The following AP5S1 variants were observed in gnomAD, a reference collection of about 807,000 sequenced individuals.
The protein encoded by AP5S1 is AP-5 complex subunit sigma-1.
A neutral mutation model predicts 13.9 loss-of-function variants in AP5S1; 13 were observed. The ratio of observed to expected loss-of-function variants is 0.94; its 90% CI spans 0.61 to 1.49. AP5S1 has a LOEUF of 1.49. Ranked by LOEUF, AP5S1 falls within the 40% of genes most tolerant of loss-of-function variation. AP5S1 has a pLI of 0.00. For synonymous variants in AP5S1, 132 were observed against 121.8 expected (o/e 1.08, Z -0.55); for missense variants, 292 against 272.3 (o/e 1.07, Z -0.51).
At chr20:3,822,485 C>G (rs907495844) in intron 2 of AP5S1, among the ~76,000 whole-genome samples, 192 bp downstream of exon 2, 3 of 152,120 alleles carry the variant, frequency 2.0e-5, no homozygotes, top group African/African-American at 7.2e-5. Flanking sequence ...AATAATAATT[C>G]TGTTATCATT....
chr20:3,824,515 T>C lies in AP5S1; in HGVS notation c.*218T>C. On this transcript the variant is annotated 3_prime_UTR_variant, in exon 3 of 3. Coordinates refer to ENST00000615891, the MANE Select transcript of AP5S1 (RefSeq NM_018347.3). Reference sequence around the variant, plus strand: ...CAGAACTTCCTGAGCCTAGAGCTGCTGTGTTACTTAGACCGCTGCCGTGCG... The same window carrying C: ...CAGAACTTCCTGAGCCTAGAGCTGCCGTGTTACTTAGACCGCTGCCGTGCG... 1 of 595,616 alleles carries C rather than the reference T, an allele frequency of 1.7e-6. No individual in the cohort carries two copies. The highest frequency in any genetic ancestry group is 2.9e-6 in the Non-Finnish European group (1 of 339,224). 36.9% of individuals were successfully genotyped at this position (595,616 alleles called of 1,614,324 possible). A position where few individuals can be genotyped will look rare whatever the true frequency, so the allele number is the denominator to read the frequency against.
chr20:3,822,379 TAGG>T (rs796534474), intron 2 of AP5S1, 86 bp downstream of exon 2: 17 of 1,334,500 alleles, frequency 1.3e-5, no homozygotes, highest in Middle Eastern at 1.9e-4. Context: ...CGCAGAGAAA[TAGG>T]AGGACTAAGA....
intron 1 of AP5S1, among the ~76,000 whole-genome samples, chr20:3,821,123 A>C (rs914057297): frequency 2.0e-5 from 3 of 152,008 alleles, no homozygotes; most frequent in African/African-American, 7.2e-5. Flanking sequence ...TTACCTTATT[A>C]TTTCCTCTGT....
chr20:3,827,669 C>T lies in AP5S1; in HGVS notation c.*3372C>T, dbSNP rs1294141045. 6.6e-6 allele frequency: 1 copy of T among 152,150 alleles called. No individual in the cohort carries two copies. The highest frequency in any genetic ancestry group is 2.4e-5 in the African/African-American group (1 of 41,422). 9.4% of individuals were successfully genotyped at this position (152,150 alleles called of 1,614,324 possible). A position where few individuals can be genotyped will look rare whatever the true frequency, so the allele number is the denominator to read the frequency against. On this transcript the variant is annotated 3_prime_UTR_variant, in exon 3 of 3. Coordinates refer to ENST00000615891, the MANE Select transcript of AP5S1 (RefSeq NM_018347.3). ...GAGCCCTGGGATGGGATTGGATCAT[C>T]TTGTCTCCTTTAGGGCAGGGTGTTT...
chr20:3,825,563 C>G lies in AP5S1; in HGVS notation c.*1266C>G, dbSNP rs1276291376. The G allele has an allele frequency of 6.6e-6, 1 of 152,330 alleles. No homozygotes were observed. The highest frequency in any genetic ancestry group is 1.9e-4 in the East Asian group (1 of 5,186). The allele number at this position is 152,330 out of a possible 1,614,324, so 9.4% of individuals were successfully genotyped here. On this transcript the variant is annotated 3_prime_UTR_variant, in exon 3 of 3. Transcript: ENST00000615891. ...AGCCGTCTGAGAAGCAGTGCTTGGG[C>G]TGAGAATTGGTGCGAGTGGTTTATG...
chr20:3,826,493 T>A lies in AP5S1; in HGVS notation c.*2196T>A, dbSNP rs971934203. Reference sequence around the variant, plus strand: ...GGCTCAAGCTTACTGATCTGAATTCTTTCTGCCTTTTTTTCAAACGGAACT... The same window carrying A: ...GGCTCAAGCTTACTGATCTGAATTCATTCTGCCTTTTTTTCAAACGGAACT... On this transcript the variant is annotated 3_prime_UTR_variant, in exon 3 of 3. Transcript: ENST00000615891. The A allele has an allele frequency of 6.6e-6, 1 of 152,234 alleles. No homozygotes were observed. The highest frequency in any genetic ancestry group is 2.4e-5 in the African/African-American group (1 of 41,444). 9.4% of individuals were successfully genotyped at this position (152,234 alleles called of 1,614,324 possible).
In AP5S1 at chr20:3,827,597, TG is replaced by T. The variant is rs1266407362; in HGVS notation, c.*3301del. 3 of 152,124 alleles carry T rather than the reference TG, an allele frequency of 2.0e-5. No homozygotes were observed. The highest frequency in any genetic ancestry group is 7.2e-5 in the African/African-American group (3 of 41,426). The allele number at this position is 152,124 out of a possible 1,614,324, so 9.4% of individuals were successfully genotyped here. ...ACAGGTTTTAAGGCAGGAACTGGCC[TG>T]CATGTATGTGGGTCACTGATTGGGT... is the stretch of plus-strand genomic sequence containing the variant. On this transcript the variant is annotated 3_prime_UTR_variant, in exon 3 of 3. Transcript: ENST00000615891.
intron 2 of AP5S1, chr20:3,823,586 C>T (rs527671958): frequency 2.0e-6 from 2 of 985,370 alleles, no homozygotes; most frequent in East Asian, 1.1e-4. Flanking sequence ...GAGAAGGCCT[C>T]TGTGAAGCAG....
rs1356989685 is a variant in AP5S1, at chr20:3,826,788, A to G, written c.*2491A>G. ...GTTTCCACCACAATTTATGCTCACC[A>G]TATATTTATCGAGCCTCCCTTGGGC... On this transcript the variant is annotated 3_prime_UTR_variant, in exon 3 of 3. Transcript: ENST00000615891. The G allele has an allele frequency of 6.6e-6, 1 of 152,134 alleles. No homozygotes were observed. The highest frequency in any genetic ancestry group is 2.4e-5 in the African/African-American group (1 of 41,404). The allele number at this position is 152,134 out of a possible 1,614,324, so 9.4% of individuals were successfully genotyped here. A position where few individuals can be genotyped will look rare whatever the true frequency, so the allele number is the denominator to read the frequency against.
At chr20:3,821,956 T>A (rs2089585611) in intron 1 of AP5S1, 146 bp from the exon 2 acceptor site, 1 of 1,358,576 alleles carries the variant, frequency 7.4e-7, no homozygotes, top group Non-Finnish European at 9.5e-7. Flanking sequence ...TGTTATGTGA[T>A]GTTGTTCAGA....
In AP5S1 at chr20:3,826,178, C is replaced by G. The variant is rs181363966; in HGVS notation, c.*1881C>G. ...ATGATTAGCCCTTCCAAGTCCATGG[C>G]CAAGGCCACCAGCCATGCCAGGCCT... On this transcript the variant is annotated 3_prime_UTR_variant, in exon 3 of 3. Coordinates refer to ENST00000615891, the MANE Select transcript of AP5S1 (RefSeq NM_018347.3). The G allele has an allele frequency of 6.6e-6, 1 of 152,364 alleles. No individual in the cohort carries two copies. The highest frequency in any genetic ancestry group is 2.4e-5 in the African/African-American group (1 of 41,570). The allele number at this position is 152,364 out of a possible 1,614,324, so 9.4% of individuals were successfully genotyped here.
rs2089621615 is a variant in AP5S1 at position 3,825,889 on chromosome 20, G to A, written c.*1592G>A. On this transcript the variant is annotated 3_prime_UTR_variant, in exon 3 of 3. Coordinates refer to ENST00000615891, the MANE Select transcript of AP5S1 (RefSeq NM_018347.3). ...CCATGTTGAGTCCCAAAGGGATATG[G>A]GTGGGGTACCAAAAGTCGGTGGTTA... The A allele has an allele frequency of 6.8e-6, 1 of 146,830 alleles. No individual in the cohort carries two copies. Among genetic ancestry groups the A allele is most frequent in the African/African-American group, 2.5e-5 (1 of 39,588 alleles). 9.1% of individuals were successfully genotyped at this position (146,830 alleles called of 1,614,324 possible).
Position 3,827,213 on chromosome 20 carries a change from G to C in AP5S1, c.*2916G>C, listed in dbSNP as rs2146735610. 1 of 152,480 alleles carries C rather than the reference G, an allele frequency of 6.6e-6. No homozygotes were observed. The highest frequency in any genetic ancestry group is 1.9e-4 in the East Asian group (1 of 5,190). The allele number at this position is 152,480 out of a possible 1,614,324, so 9.4% of individuals were successfully genotyped here. On this transcript the variant is annotated 3_prime_UTR_variant, in exon 3 of 3. Transcript: ENST00000615891. ...TGGGACAACAGATGATGACAGGAGGGCAGTAGAGCCCAGAGAAGAGAGCTT... is the reference window on the plus strand; with the variant it reads ...TGGGACAACAGATGATGACAGGAGGCCAGTAGAGCCCAGAGAAGAGAGCTT...
At chr20:3,823,144 C>T (rs1018644977) in intron 2 of AP5S1, among the ~76,000 whole-genome samples, 2 of 152,198 alleles carry the variant, frequency 1.3e-5, no homozygotes, top group Non-Finnish European at 2.9e-5. Flanking sequence ...TTCTAAGAAG[C>T]CTTGTTGGTC....
intron 1 of AP5S1, among the ~76,000 whole-genome samples, chr20:3,821,338 CTAA>C (rs1296225256): frequency 6.6e-6 from 1 of 152,086 alleles, no homozygotes; most frequent in Admixed American, 6.6e-5. Flanking sequence ...TATTAGTGTC[CTAA>C]TAATGCCCTT....
Position 3,822,717 on chromosome 20 carries a change from G to A in AP5S1, c.176+424G>A, listed in dbSNP as rs73895639. On this transcript the variant is annotated intron_variant, in intron 2 of 2. Transcript: ENST00000615891. The stretch of plus-strand genomic sequence containing the variant: ...GTAGCAGAACTAAGATTTGAGAGTA[G>A]GCAGGCAGACAGTACAGATTAAACA... Among the ~76,000 whole-genome samples, 210 of 152,286 alleles carry A rather than the reference G, an allele frequency of 1.4e-3. 2 individuals carry two copies. The highest frequency in any genetic ancestry group is 4.8e-3 in the African/African-American group (201 of 41,562).
In AP5S1 at chr20:3,825,187, C is replaced by T. The variant is rs1311325480; in HGVS notation, c.*890C>T. 2 of 152,256 alleles carry T rather than the reference C, an allele frequency of 1.3e-5. No homozygotes were observed. The highest frequency in any genetic ancestry group is 4.8e-5 in the African/African-American group (2 of 41,462). 9.4% of individuals were successfully genotyped at this position (152,256 alleles called of 1,614,324 possible). ...CCACCAGGCAGGCTCGAGATAAAGT[C>T]ATCACAGCCTTCCCTCATCTGCAGG... On this transcript the variant is annotated 3_prime_UTR_variant, in exon 3 of 3. Transcript: ENST00000615891.
chr20:3,823,703 C>T, intron 2 of AP5S1, 168 bp from the exon 3 acceptor site: 2 of 985,450 alleles, frequency 2.0e-6, no homozygotes, highest in Non-Finnish European at 2.4e-6. Flanking sequence ...GACCTGGAGG[C>T]TCACACTTCC....
chr20:3,824,453 G>C lies in AP5S1; in HGVS notation c.*156G>C, dbSNP rs1471006231. The C allele has an allele frequency of 2.6e-6, 2 of 757,848 alleles. No individual in the cohort carries two copies. Among genetic ancestry groups the C allele is most frequent in the Non-Finnish European group, 4.2e-6 (2 of 478,446 alleles). 46.9% of individuals were successfully genotyped at this position (757,848 alleles called of 1,614,324 possible). The stretch of plus-strand genomic sequence containing the variant: ...GCAGAAAGGGGGCTGGGCAGAGGGT[G>C]GAGGAGGTCCTGCCTGTCCTCAGGT... On this transcript the variant is annotated 3_prime_UTR_variant, in exon 3 of 3. Transcript: ENST00000615891.
Sources: allele counts gnomAD v4.1 joint callset (sites outside exome capture counted in the v4.1 genomes callset), GRCh38; gene constraint gnomAD v4.1.1; transcripts MANE v1.5; gene names NCBI Gene and HGNC (gene_info 2026-07-23, HGNC 2026-07-21).